Variants in PCDH11Y observed in about 807,000 individuals in gnomAD.
The protein encoded by PCDH11Y is protocadherin-11 Y-linked.
For missense variants in PCDH11Y, 12 were observed against 224.8 expected, an observed-to-expected ratio of 0.05 and a Z score of 6.05; for synonymous variants, 9 against 83.6, an observed-to-expected ratio of 0.11 and a Z score of 4.87.
At chrY:5,569,636 C>T in intron 3 of PCDH11Y, among the ~76,000 whole-genome samples, 1 of 33,142 alleles carries the variant, frequency 3.0e-5, no homozygotes, top group Non-Finnish European at 7.4e-5. Context: ...TATTTTTCAT[C>T]ATGGGACATG....
At chrY:5,073,323 T>A (rs2052702873) in intron 1 of PCDH11Y, among the ~76,000 whole-genome samples, 1 of 33,140 alleles carries the variant, frequency 3.0e-5, no homozygotes, top group African/African-American at 1.2e-4. Context: ...ACAAATAATC[T>A]AAGTCAAAAG....
intron 3 of PCDH11Y, among the ~76,000 whole-genome samples, chrY:5,041,186 C>G: frequency 3.2e-5 from 1 of 31,472 alleles, no homozygotes; most frequent in Non-Finnish European, 7.7e-5. Context: ...TATACATGTG[C>G]CATGCTGGTG....
chrY:5,373,743 TATAC>T (rs2053194487), intron 2 of PCDH11Y, among the ~76,000 whole-genome samples: 2 of 23,804 alleles, frequency 8.4e-5, no homozygotes, highest in Non-Finnish European at 9.6e-5. Flanking sequence ...TGTGTGTATA[TATAC>T]ACACACACAC....
At chrY:5,109,485 A>C, downstream of PCDH11Y, among the ~76,000 whole-genome samples, 1 of 33,278 alleles carries the variant, frequency 3.0e-5, no homozygotes, top group South Asian at 6.5e-4. Flanking sequence ...GTGCATTTTA[A>C]AATTATAGAA....
intron 2 of PCDH11Y, among the ~76,000 whole-genome samples, chrY:5,382,714 TTCA>T (rs2053206430): frequency 3.0e-5 from 1 of 33,668 alleles, no homozygotes; most frequent in South Asian, 6.5e-4. Flanking sequence ...GGTTTGTGCT[TTCA>T]TCATCAAGAT....
chrY:5,205,215 C>T, intron 2 of PCDH11Y, among the ~76,000 whole-genome samples: 3 of 28,335 alleles, frequency 1.1e-4, no homozygotes, highest in Admixed American at 3.5e-4. Flanking sequence ...CAGATCATCC[C>T]GCTGCGCCCT....
chrY:5,013,410 G>A, intron 1 of PCDH11Y, among the ~76,000 whole-genome samples: 1 of 32,007 alleles, frequency 3.1e-5, no homozygotes, highest in South Asian at 7.0e-4. Flanking sequence ...CTTAGAATGA[G>A]TTTAATTACA....
chrY:5,510,799 G>A, intron 3 of PCDH11Y, among the ~76,000 whole-genome samples: 2 of 31,034 alleles, frequency 6.4e-5, no homozygotes, highest in Non-Finnish European at 1.5e-4. Flanking sequence ...GGGGGGTGGG[G>A]GAACGGAATC....
chrY:5,146,590 G>A (rs2124643019), intron 2 of PCDH11Y, among the ~76,000 whole-genome samples: 1 of 33,107 alleles, frequency 3.0e-5, no homozygotes, highest in South Asian at 6.8e-4. Flanking sequence ...AATAATTAGC[G>A]CACTTCTAGT....
intron 2 of PCDH11Y, among the ~76,000 whole-genome samples, chrY:5,449,343 ATT>A (rs2053290929): frequency 3.1e-5 from 1 of 32,425 alleles, no homozygotes; most frequent in African/African-American, 1.2e-4. Context: ...TGTAAAATAA[ATT>A]TTTTTTTCAG....
At chrY:5,429,745 A>AC (rs2053266712) in intron 2 of PCDH11Y, among the ~76,000 whole-genome samples, 1 of 33,079 alleles carries the variant, frequency 3.0e-5, no homozygotes, top group Non-Finnish European at 7.4e-5. Context: ...ATCACAGCTT[A>AC]CCATAGCCTT....
chrY:5,150,644 T>C (rs1602876828), intron 2 of PCDH11Y, among the ~76,000 whole-genome samples: 4 of 33,891 alleles, frequency 1.2e-4, no homozygotes, highest in Admixed American at 8.1e-4. Context: ...TACACTCACA[T>C]GCACACACAC....
intron 1 of PCDH11Y, among the ~76,000 whole-genome samples, chrY:5,020,829 T>G: frequency 3.0e-5 from 1 of 33,722 alleles, no homozygotes; most frequent in Non-Finnish European, 7.4e-5. Context: ...TCTACACATT[T>G]TGCAAGTGCA....
At chrY:5,679,323 G>A in intron 4 of PCDH11Y, among the ~76,000 whole-genome samples, 1 of 33,624 alleles carries the variant, frequency 3.0e-5, no homozygotes, top group Non-Finnish European at 7.4e-5. Context: ...GTAGGATAGG[G>A]CAATGGGCAG....
intron 4 of PCDH11Y, among the ~76,000 whole-genome samples, chrY:5,649,765 A>G: frequency 3.0e-5 from 1 of 33,170 alleles, no homozygotes; most frequent in Non-Finnish European, 7.5e-5. Flanking sequence ...CTAGTACATA[A>G]GTTACAGTAA....
chrY:5,159,312 G>A, intron 2 of PCDH11Y, among the ~76,000 whole-genome samples: 1 of 29,151 alleles, frequency 3.4e-5, no homozygotes, highest in Non-Finnish European at 8.2e-5. Flanking sequence ...GGGCTTCCAG[G>A]CCATAGGTAG....
chrY:5,472,307 G>A, intron 2 of PCDH11Y, among the ~76,000 whole-genome samples: 2 of 31,875 alleles, frequency 6.3e-5, no homozygotes, highest in Non-Finnish European at 1.5e-4. Context: ...TCACTAAGGG[G>A]TCATTCATTT....
chrY:5,011,699 CACTT>C (rs2052550157), intron 1 of PCDH11Y, among the ~76,000 whole-genome samples: 1 of 32,369 alleles, frequency 3.1e-5, no homozygotes, highest in African/African-American at 1.2e-4. Context: ...GCCGAATAGT[CACTT>C]AATCTAAGTG....
intron 2 of PCDH11Y, among the ~76,000 whole-genome samples, chrY:5,138,876 T>C: frequency 3.0e-5 from 1 of 32,942 alleles, no homozygotes; most frequent in Admixed American, 2.8e-4. Context: ...AAAGAGTGAT[T>C]CCTCCCTAAA....
Sources: allele counts gnomAD v4.1 joint callset (sites outside exome capture counted in the v4.1 genomes callset), GRCh38; gene constraint gnomAD v4.1.1; transcripts MANE v1.5; gene names NCBI Gene and HGNC (gene_info 2026-07-23, HGNC 2026-07-21).